Variants in PLCXD3 observed in about 807,000 individuals in gnomAD.
PLCXD3 encodes the protein phosphatidylinositol specific phospholipase C X domain containing 3.
In PLCXD3, 19 loss-of-function variants were observed where a neutral mutation model predicts 25.5. The ratio of observed to expected loss-of-function variants is 0.75; its 90% CI spans 0.52 to 1.09. The LOEUF is 1.09. Ranked by LOEUF, PLCXD3 falls within the 50% of genes least tolerant of loss-of-function variation. The pLI, the probability that PLCXD3 is intolerant of heterozygous loss-of-function variation, is 0.00. For synonymous variants in PLCXD3, 174 were observed against 137.6 expected (o/e 1.26, Z -1.85); for missense variants, 411 against 388.1 (o/e 1.06, Z -0.50).
At chr5:41,418,675 C>T (rs1184476047) in intron 1 of PLCXD3, among the ~76,000 whole-genome samples, 5 of 152,104 alleles carry the variant, frequency 3.3e-5, no homozygotes, top group African/African-American at 9.7e-5. Context: ...TAGGTTCTTG[C>T]TTCCCTCTCT....
chr5:41,362,859 T>G (rs1373930098), intron 2 of PLCXD3, among the ~76,000 whole-genome samples: 2 of 140,192 alleles, frequency 1.4e-5, no homozygotes, highest in Non-Finnish European at 3.0e-5. Flanking sequence ...CAACTACCAG[T>G]AACAAGTCGA....
chr5:41,383,892 T>C (rs558349624), intron 1 of PLCXD3, among the ~76,000 whole-genome samples: 4 of 152,166 alleles, frequency 2.6e-5, no homozygotes, highest in Admixed American at 1.3e-4. Context: ...CCTACGTCTA[T>C]ATTCCATATC....
intron 2 of PLCXD3, among the ~76,000 whole-genome samples, chr5:41,356,886 G>A (rs1208691369): frequency 6.6e-6 from 1 of 152,068 alleles, no homozygotes; most frequent in African/African-American, 2.4e-5. Flanking sequence ...GGGCTCCATG[G>A]GGGTGTGAAG....
chr5:41,489,108 A>C (rs1445661512), intron 1 of PLCXD3, among the ~76,000 whole-genome samples: 7 of 152,124 alleles, frequency 4.6e-5, no homozygotes, highest in East Asian at 3.8e-4. Flanking sequence ...ATTTTTGTAT[A>C]AGGTGTAAGG....
At chr5:41,422,710 G>T (rs748911195) in intron 1 of PLCXD3, among the ~76,000 whole-genome samples, 1 of 152,048 alleles carries the variant, frequency 6.6e-6, no homozygotes, top group African/African-American at 2.4e-5. Context: ...TATCTAAAAA[G>T]TTCCTATGCT....
At chr5:41,436,736 C>T (rs943247154) in intron 1 of PLCXD3, among the ~76,000 whole-genome samples, 2 of 152,190 alleles carry the variant, frequency 1.3e-5, no homozygotes, top group African/African-American at 4.8e-5. Context: ...AAATCAAAAA[C>T]TACTTCATAC....
intron 1 of PLCXD3, among the ~76,000 whole-genome samples, chr5:41,400,717 G>A (rs547968515): frequency 2.6e-4 from 40 of 152,126 alleles, no homozygotes; most frequent in Admixed American, 5.2e-4. Context: ...TTCAGAGGAG[G>A]TGGAGATGGT....
intron 1 of PLCXD3, among the ~76,000 whole-genome samples, chr5:41,399,042 T>C (rs1188391609): frequency 6.6e-6 from 1 of 152,166 alleles, no homozygotes; most frequent in African/African-American, 2.4e-5. Context: ...AAAAGTAGCA[T>C]TTCTACATGC....
rs759657997 is a variant in PLCXD3, at chr5:41,382,035, C to T, written c.603G>A (p.Leu201=). ...GCCCAGGCCAGAGAAAGGGCACTTC[C>T]AGAGCCACTGGACTATGGTAGAAGA... ...VLVFYHSPVA[L]EVPFLWPGQM... Residue 201 remains leucine (L), a synonymous_variant, in exon 2 of 3, where the codon CTG becomes CTA. Coordinates refer to ENST00000377801, the MANE Select transcript of PLCXD3 (RefSeq NM_001005473.3). 2 of 1,613,606 alleles carry T rather than the reference C, an allele frequency of 1.2e-6. No individual in the cohort carries two copies. Among genetic ancestry groups the T allele is most frequent in the Non-Finnish European group, 1.7e-6 (2 of 1,179,736 alleles).
chr5:41,384,021 AATTTGTAAAAT>A (rs1165535982), intron 1 of PLCXD3, among the ~76,000 whole-genome samples: 1 of 152,134 alleles, frequency 6.6e-6, no homozygotes. Flanking sequence ...TAAAGAAAAT[AATTTGTAAAAT>A]ATTTTGATAC....
intron 1 of PLCXD3, among the ~76,000 whole-genome samples, chr5:41,459,306 A>T (rs1334534956): frequency 6.6e-6 from 1 of 152,022 alleles, no homozygotes; most frequent in Non-Finnish European, 1.5e-5. Context: ...AGTCTCCAGG[A>T]TTTCAGAAAT....
chr5:41,499,654 C>A (rs1003377134), intron 1 of PLCXD3, among the ~76,000 whole-genome samples: 1 of 151,566 alleles, frequency 6.6e-6, no homozygotes, highest in Non-Finnish European at 1.5e-5. Flanking sequence ...TAAATTTATA[C>A]GGAACCACAT....
Position 41,440,886 on chromosome 5 carries a change from G to A in PLCXD3, c.104-58352C>T, listed in dbSNP as rs569298746. ...AAGTGCAGTTGTGACTTTAACCTAA[G>A]GCAGAAAGGATGTTCTCTTGAACTT... On this transcript the variant is annotated intron_variant, in intron 1 of 2. Transcript: ENST00000377801. Among the ~76,000 whole-genome samples the A allele has an allele frequency of 2.8e-4, 43 of 152,208 alleles. 1 individual carries two copies. In the South Asian group the frequency reaches 6.6e-3, roughly 23 times the overall value.
At chr5:41,451,309 A>AGGAATGTTT (rs1265981865) in intron 1 of PLCXD3, among the ~76,000 whole-genome samples, 1 of 152,078 alleles carries the variant, frequency 6.6e-6, no homozygotes, top group Non-Finnish European at 1.5e-5. Context: ...TCCTGCTACC[A>AGGAATGTTT]GGAATGTTTG....
At chr5:41,373,332 A>C (rs957413625) in intron 2 of PLCXD3, among the ~76,000 whole-genome samples, 3 of 152,096 alleles carry the variant, frequency 2.0e-5, no homozygotes, top group African/African-American at 7.2e-5. Flanking sequence ...GACACATAGG[A>C]CCTAATTTTA....
At chr5:41,366,186 C>T (rs113291252) in intron 2 of PLCXD3, among the ~76,000 whole-genome samples, 6 of 151,808 alleles carry the variant, frequency 4.0e-5, no homozygotes, top group Admixed American at 2.0e-4. Context: ...TGAGAACATG[C>T]GCCCCACCTC....
At chr5:41,387,526 G>A (rs968656650) in intron 1 of PLCXD3, among the ~76,000 whole-genome samples, 2 of 152,074 alleles carry the variant, frequency 1.3e-5, no homozygotes, top group African/African-American at 2.4e-5. Context: ...CAAGTATTCT[G>A]TAATTTTTTA....
At chr5:41,392,727 G>T (rs1209074438) in intron 1 of PLCXD3, among the ~76,000 whole-genome samples, 1 of 152,044 alleles carries the variant, frequency 6.6e-6, no homozygotes, top group African/African-American at 2.4e-5. Flanking sequence ...AGGCACCAGG[G>T]ACTAATCCTG....
intron 1 of PLCXD3, among the ~76,000 whole-genome samples, chr5:41,467,917 G>A (rs898811525): frequency 4.0e-5 from 6 of 149,202 alleles, no homozygotes; most frequent in African/African-American, 1.5e-4. Flanking sequence ...ATGGGTTGAT[G>A]TCTCTGTTTT....
Sources: gnomAD v4.1 joint callset for allele counts (sites outside exome capture counted in the v4.1 genomes callset) on GRCh38, gnomAD v4.1.1 for gene constraint, MANE v1.5 for transcripts, NCBI Gene and HGNC (gene_info 2026-07-23, HGNC 2026-07-21) for gene names.